The following STK10 variants were observed in gnomAD, a reference collection of about 807,000 sequenced individuals.
The protein encoded by STK10 is serine/threonine-protein kinase 10.
A neutral mutation model predicts 113.8 loss-of-function variants in STK10; 78 were observed. The ratio of observed to expected loss-of-function variants is 0.69; its 90% CI spans 0.57 to 0.83. The LOEUF is 0.83. Among genes scored for constraint, STK10 ranks in the 40% least tolerant of loss-of-function variants. The probability of loss-of-function intolerance (pLI) is 0.00; values close to 1 mark genes in which losing one functional copy is unlikely to be tolerated. For synonymous variants in STK10, 465 were observed against 494.7 expected (o/e 0.94, Z 0.80); for missense variants, 1,109 against 1,280.1 (o/e 0.87, Z 2.04).
intron 2 of STK10, among the ~76,000 whole-genome samples, chr5:172,137,930 T>C (rs1033263176): frequency 6.8e-6 from 1 of 148,066 alleles, no homozygotes; most frequent in Admixed American, 6.7e-5. Flanking sequence ...AAAGGCCATA[T>C]ATTAAAAATG....
At chr5:172,071,839 A>G (rs922705217) in intron 12 of STK10, among the ~76,000 whole-genome samples, 2 of 152,132 alleles carry the variant, frequency 1.3e-5, no homozygotes, top group Admixed American at 6.6e-5. Flanking sequence ...TCCTTTTGCA[A>G]TAAATCACTC....
intron 2 of STK10, among the ~76,000 whole-genome samples, chr5:172,153,414 T>G (rs1770287174): frequency 6.6e-6 from 1 of 152,208 alleles, no homozygotes; most frequent in Admixed American, 6.5e-5. Flanking sequence ...CCATTTGATA[T>G]TCAAAAGCAG....
At chr5:172,046,998 G>A (rs898183874) in intron 18 of STK10, among the ~76,000 whole-genome samples, 3 of 152,152 alleles carry the variant, frequency 2.0e-5, no homozygotes, top group Admixed American at 2.0e-4. Context: ...ACACTTCATT[G>A]ACTCTACCAG....
chr5:172,166,051 C>T (rs909935816), intron 1 of STK10, among the ~76,000 whole-genome samples: 1 of 152,204 alleles, frequency 6.6e-6, no homozygotes, highest in Non-Finnish European at 1.5e-5. Context: ...CCTTGGCCTC[C>T]CAAAGCGCAG....
chr5:172,090,285 G>A lies in STK10; in HGVS notation c.1632C>T (p.Thr544=), dbSNP rs1223013914. ...TCTCATCTTCGCTGATGATCTTGGA[G>A]GTGGTGATGCTCACCTCCACACCAT... ...VVDGVEVSIT[T]SKIISEDEKK... is the part of the protein sequence containing the mutation. The change falls in exon 10 of 19, where the codon ACC becomes ACT. Residue 544 remains threonine, a synonymous_variant. Transcript: ENST00000176763. 6.2e-6 allele frequency: 10 copies of A among 1,613,992 alleles called. No individual in the cohort carries two copies. The highest frequency in any genetic ancestry group is 1.3e-5 in the African/African-American group (1 of 74,912).
chr5:172,070,631 C>T (rs1270693112), intron 12 of STK10, among the ~76,000 whole-genome samples: 1 of 151,832 alleles, frequency 6.6e-6, no homozygotes, highest in Non-Finnish European at 1.5e-5. Flanking sequence ...AATATAACAG[C>T]AGAAATCAAT....
Position 172,117,467 on chromosome 5 carries a change from C to T in STK10, c.520+14G>A, listed in dbSNP as rs1769412285. On this transcript the variant is annotated intron_variant, in intron 4 of 18. Coordinates refer to ENST00000176763, the MANE Select transcript of STK10 (RefSeq NM_005990.4). Reference sequence around the variant, plus strand: ...CACCCTGTGGCTCCACCTTTCCCACCCTGAGCCCCTTACCCAGCCTGATGT... The same window carrying T: ...CACCCTGTGGCTCCACCTTTCCCACTCTGAGCCCCTTACCCAGCCTGATGT... 6.2e-7 allele frequency: 1 copy of T among 1,609,228 alleles called. No individual in the cohort carries two copies. The highest frequency in any genetic ancestry group is 8.5e-7 in the Non-Finnish European group (1 of 1,179,852).
At chr5:172,079,490 T>A (rs1297519252) in intron 12 of STK10, among the ~76,000 whole-genome samples, 1 of 152,180 alleles carries the variant, frequency 6.6e-6, no homozygotes, top group Non-Finnish European at 1.5e-5. Context: ...ACTTTTTGTT[T>A]GTTTGTCTGG....
intron 7 of STK10, among the ~76,000 whole-genome samples, chr5:172,098,342 C>T (rs1768903062): frequency 6.6e-6 from 1 of 152,080 alleles, no homozygotes; most frequent in Admixed American, 6.6e-5. Context: ...AGAGGGGCCT[C>T]ATTCAAGGTC....
chr5:172,092,269 C>G (rs181144191), intron 9 of STK10, among the ~76,000 whole-genome samples: 1 of 152,188 alleles, frequency 6.6e-6, no homozygotes, highest in African/African-American at 2.4e-5. Context: ...CTCCTAGTCA[C>G]GCCAGGGGGT....
At chr5:172,073,632 C>T (rs1768244953) in intron 12 of STK10, among the ~76,000 whole-genome samples, 2 of 151,736 alleles carry the variant, frequency 1.3e-5, no homozygotes, top group South Asian at 4.2e-4. Context: ...TGTTGCATAA[C>T]AGCACCAAAA....
chr5:172,061,401 G>T, intron 13 of STK10, 133 bp from the exon 14 acceptor site: 2 of 1,299,386 alleles, frequency 1.5e-6, no homozygotes, highest in Non-Finnish European at 1.0e-6. Context: ...TGGTGGAGGA[G>T]AAATTTAAGG....
chr5:172,096,314 A>G (rs1768852634), intron 8 of STK10, 112 bp downstream of exon 8: 6 of 1,518,080 alleles, frequency 4.0e-6, no homozygotes, highest in African/African-American at 1.4e-5. Flanking sequence ...CTGAGCTGGC[A>G]ATAAATTGCC....
intron 3 of STK10, 59 bp downstream of exon 3, chr5:172,127,314 C>CT: frequency 6.3e-7 from 1 of 1,597,672 alleles, no homozygotes; most frequent in Non-Finnish European, 8.6e-7. Context: ...AGCAGTCAGG[C>CT]TTAGGACTCC....
chr5:172,095,324 T>C (rs1239114023), intron 8 of STK10, among the ~76,000 whole-genome samples: 3 of 152,188 alleles, frequency 2.0e-5, no homozygotes, highest in African/African-American at 7.2e-5. Flanking sequence ...CCTGAAACCC[T>C]TCGGGGCTCC....
At chr5:172,076,427 AGTTGTGGGGGCTGTCCTGTGCATTT>A in intron 12 of STK10, among the ~76,000 whole-genome samples, 1 of 54,854 alleles carries the variant, frequency 1.8e-5, no homozygotes, top group Non-Finnish European at 3.0e-5. Context: ...CCTGTGCGTT[AGTTGTGGGGGCTGTCCTGTGCATTT>A]GTTGTGGGGG....
chr5:172,062,912 C>A (rs1767966808), intron 13 of STK10, among the ~76,000 whole-genome samples: 1 of 152,164 alleles, frequency 6.6e-6, no homozygotes, highest in Admixed American at 6.5e-5. Context: ...GACTATTTTA[C>A]CACAATTTTA....
intron 2 of STK10, among the ~76,000 whole-genome samples, chr5:172,154,447 C>G (rs551539140): frequency 5.9e-5 from 9 of 152,330 alleles, no homozygotes; most frequent in Admixed American, 2.0e-4. Context: ...CACCGCTGCC[C>G]ACGCTGTCTC....
chr5:172,171,900 G>A (rs1249195653), intron 1 of STK10, among the ~76,000 whole-genome samples: 1 of 152,124 alleles, frequency 6.6e-6, no homozygotes, highest in East Asian at 1.9e-4. Flanking sequence ...AGTATAGCAT[G>A]GCTGGACACA....
Sources: gnomAD v4.1 joint callset for allele counts (sites outside exome capture counted in the v4.1 genomes callset) on GRCh38, gnomAD v4.1.1 for gene constraint, MANE v1.5 for transcripts, NCBI Gene and HGNC (gene_info 2026-07-23, HGNC 2026-07-21) for gene names.